SCN8A: variants seen among roughly 807,000 people sequenced by gnomAD.
SCN8A encodes sodium channel protein type 8 subunit alpha.
A neutral mutation model predicts 184.1 loss-of-function variants in SCN8A; 30 were observed. That is an observed-to-expected ratio of 0.16 (90% CI 0.12 to 0.22). SCN8A has a LOEUF of 0.22. SCN8A is among the 10% of genes least tolerant of loss of function. SCN8A has a pLI of 1.00. For missense variants in SCN8A, 1,057 were observed against 2,498.9 expected (o/e 0.42, Z 12.30); for synonymous variants, 852 against 907.0 (o/e 0.94, Z 1.09).
intron 26 of SCN8A, among the ~76,000 whole-genome samples, chr12:51,800,916 C>T (rs549964881): frequency 1.3e-5 from 2 of 152,296 alleles, no homozygotes; most frequent in South Asian, 4.1e-4. Flanking sequence ...CTCAAAGGGA[C>T]CAGGCCTCCC....
chr12:51,619,872 T>C (rs1288416669), intron 1 of SCN8A, among the ~76,000 whole-genome samples: 1 of 152,220 alleles, frequency 6.6e-6, no homozygotes, highest in African/African-American at 2.4e-5. Flanking sequence ...AAGCTTTTCT[T>C]CTAAGAACAT....
At chr12:51,739,073 A>G (rs1057432033) in intron 12 of SCN8A, among the ~76,000 whole-genome samples, 9 of 152,032 alleles carry the variant, frequency 5.9e-5, no homozygotes, top group African/African-American at 1.9e-4. Context: ...CTTTTTTTAT[A>G]TGTTGGACCT....
intron 12 of SCN8A, among the ~76,000 whole-genome samples, chr12:51,729,244 T>G (rs749161704): frequency 3.9e-5 from 6 of 152,006 alleles, no homozygotes; most frequent in Non-Finnish European, 8.8e-5. Context: ...AAAAAGGAGG[T>G]GGAGAAGGAG....
chr12:51,761,515 G>A (rs1386926201), intron 14 of SCN8A, among the ~76,000 whole-genome samples: 3 of 150,148 alleles, frequency 2.0e-5, no homozygotes, highest in Non-Finnish European at 4.4e-5. Flanking sequence ...TTGCTGTGTC[G>A]CCTGTGCTGG....
Position 51,751,356 on chromosome 12 carries a change from A to C in SCN8A, c.2133A>C (p.Glu711Asp). 6.2e-7 allele frequency: 1 copy of C among 1,610,370 alleles called. No homozygotes were observed. The highest frequency in any genetic ancestry group is 8.5e-7 in the Non-Finnish European group (1 of 1,177,258). The change falls in exon 14 of 27, where the codon GAA becomes GAC. Residue 711 changes from glutamate (E) to aspartate (D), a missense_variant and splice_region_variant. Glu to Asp is a conservative substitution (Grantham distance 45). Transcript: ENST00000627620. ...CATCTTTGTTCTTACTTACTGTAGA[A>C]CTGGAAGAGTCTCAGAGAAAGTGCC... ...MSVVTNTLVE[E>D]LEESQRKCPP...
intron 2 of SCN8A, among the ~76,000 whole-genome samples, chr12:51,674,898 A>T (rs1212952927): frequency 1.3e-5 from 2 of 152,198 alleles, no homozygotes; most frequent in African/African-American, 4.8e-5. Flanking sequence ...GCCTAAGATC[A>T]TGACAGCTAA....
chr12:51,721,717 A>C lies in SCN8A; in HGVS notation c.1807A>C (p.Ile603Leu), dbSNP rs1942066450. 6.3e-7 allele frequency: 1 copy of C among 1,592,476 alleles called. No individual in the cohort carries two copies. ...CGAGGGCCGCCGGGACTCCCTCTTC[A>C]TCCCCATCCGGGCCCGCGAGCGCCG... ...ESEGRRDSLFIPIRARERRSS... is the reference protein window; with the variant it reads ...ESEGRRDSLFLPIRARERRSS... Residue 603 changes from isoleucine to leucine, a missense_variant, in exon 12 of 27, where the codon ATC (isoleucine) becomes CTC (leucine). By Grantham distance (5) the Ile-to-Leu change is conservative. This residue lies in a region of SCN8A where 322 missense variants were observed against 390.1 expected (regional missense o/e 0.83). Transcript: ENST00000627620.
intron 2 of SCN8A, among the ~76,000 whole-genome samples, chr12:51,679,036 G>A (rs568082483): frequency 1.1e-4 from 16 of 151,594 alleles, no homozygotes; most frequent in South Asian, 4.2e-4. Flanking sequence ...AGATCACACC[G>A]CTGCACTCCA....
chr12:51,641,546 G>A (rs980782232), intron 1 of SCN8A, among the ~76,000 whole-genome samples: 1 of 152,210 alleles, frequency 6.6e-6, no homozygotes, highest in African/African-American at 2.4e-5. Flanking sequence ...TTGTCATATG[G>A]TGGTCAGGAG....
At chr12:51,606,292 C>A (rs1204577425) in intron 1 of SCN8A, among the ~76,000 whole-genome samples, 1 of 152,168 alleles carries the variant, frequency 6.6e-6, no homozygotes, top group East Asian at 1.9e-4. Context: ...GATCCAATTT[C>A]ATTCTCCTAC....
At chr12:51,770,012 C>G (rs765105407) in intron 18 of SCN8A, 27 bp downstream of exon 18, 10 of 1,429,880 alleles carry the variant, frequency 7.0e-6, no homozygotes, top group Admixed American at 3.9e-5. Flanking sequence ...AGCGGATGGG[C>G]TGGGGACACT....
intron 12 of SCN8A, among the ~76,000 whole-genome samples, chr12:51,723,498 A>G (rs966104391): frequency 4.6e-5 from 7 of 152,258 alleles, no homozygotes; most frequent in African/African-American, 1.7e-4. Context: ...AATAAAATAA[A>G]GCAAAAATAC....
At position 51,765,277 on chromosome 12, in the gene SCN8A, C is replaced by T. The variant is rs572432079; in HGVS notation, c.2545-394C>T. On this transcript the variant is annotated intron_variant, in intron 15 of 26. Transcript: ENST00000627620. ...GGAGATGGATTTTTTTTTAAACTGT[C>T]CTTCCCATACTAGTCTTTTGGTTTC... Among the ~76,000 whole-genome samples, 154 of 151,966 alleles carry T rather than the reference C, an allele frequency of 1.0e-3. 1 individual carries two copies. Among genetic ancestry groups the T allele is most frequent in the African/African-American group, 3.6e-3 (150 of 41,450 alleles).
chr12:51,661,034 A>T (rs1940914949), intron 1 of SCN8A, among the ~76,000 whole-genome samples: 1 of 152,198 alleles, frequency 6.6e-6, no homozygotes, highest in Non-Finnish European at 1.5e-5. Flanking sequence ...TATTCCTGTT[A>T]GGGAGTAGTG....
At chr12:51,657,727 C>T (rs563467719) in intron 1 of SCN8A, among the ~76,000 whole-genome samples, 2 of 152,184 alleles carry the variant, frequency 1.3e-5, no homozygotes, top group Admixed American at 1.3e-4. Context: ...AGTGTTTCTC[C>T]TATGTTTTCT....
At chr12:51,746,887 C>A (rs988801863) in intron 13 of SCN8A, among the ~76,000 whole-genome samples, 1 of 152,160 alleles carries the variant, frequency 6.6e-6, no homozygotes. Flanking sequence ...CTATCTTCTT[C>A]ATTGGATTTA....
chr12:51,761,382 C>T (rs1370624581), intron 14 of SCN8A, among the ~76,000 whole-genome samples: 2 of 151,718 alleles, frequency 1.3e-5, no homozygotes, highest in African/African-American at 2.4e-5. Context: ...AAGGAAGCAC[C>T]GAAGTCTCCA....
rs1344507539 is a variant in SCN8A, at chr12:51,645,574, G to A, written c.-54-17190G>A. ...TGGTTGCCGTGTCTGTGTAGAAAGA[G>A]GTAGACATGGGAGACTTTTCATTTT... On this transcript the variant is annotated intron_variant, in intron 1 of 26. Transcript: ENST00000627620. Among the ~76,000 whole-genome samples, 3 of 152,110 alleles carry A rather than the reference G, an allele frequency of 2.0e-5. No individual in the cohort carries two copies. The East Asian group carries it at 5.8e-4, about 29-fold the overall frequency.
intron 20 of SCN8A, 49 bp from the exon 21 acceptor site, chr12:51,780,600 T>TG: frequency 7.0e-6 from 3 of 426,502 alleles, no homozygotes; most frequent in South Asian, 5.2e-5. Flanking sequence ...TTTTTTTTTT[T>TG]TTTTGGTTAC....
Sources: allele counts gnomAD v4.1 joint callset (sites outside exome capture counted in the v4.1 genomes callset), GRCh38; gene constraint gnomAD v4.1.1; regional missense constraint gnomAD v4.1.1; transcripts MANE v1.5; gene names NCBI Gene and HGNC (gene_info 2026-07-23, HGNC 2026-07-21).